HS3ST2: variants seen among roughly 807,000 people sequenced by gnomAD.
HS3ST2 encodes heparan sulfate-glucosamine 3-sulfotransferase 2.
In HS3ST2, 17 loss-of-function variants were observed where a neutral mutation model predicts 26.3. The observed-to-expected ratio is 0.65, with a 90% CI of 0.44 to 0.97. The LOEUF (loss-of-function observed/expected upper bound fraction) is 0.97. Ranked by LOEUF, HS3ST2 falls within the 50% of genes least tolerant of loss-of-function variation. The pLI is 0.00. For missense variants in HS3ST2, 402 were observed against 501.2 expected (o/e 0.80, Z 1.89); for synonymous variants, 237 against 219.2 (o/e 1.08, Z -0.72).
intron 1 of HS3ST2, among the ~76,000 whole-genome samples, chr16:22,901,426 A>G (rs951060254): frequency 5.9e-5 from 9 of 152,050 alleles, no homozygotes; most frequent in Non-Finnish European, 1.0e-4. Context: ...CCCTCCCTAG[A>G]CCTACTGAAT....
intron 1 of HS3ST2, among the ~76,000 whole-genome samples, chr16:22,871,295 G>T (rs909601539): frequency 6.6e-6 from 1 of 151,412 alleles, no homozygotes; most frequent in African/African-American, 2.4e-5. Context: ...GGTGGAGATT[G>T]CAGTGAGCCA....
chr16:22,888,730 C>T (rs1187446655), intron 1 of HS3ST2, among the ~76,000 whole-genome samples: 1 of 152,170 alleles, frequency 6.6e-6, no homozygotes, highest in African/African-American at 2.4e-5. Context: ...ACCATTTGCT[C>T]CTTCTGGAAA....
intron 1 of HS3ST2, among the ~76,000 whole-genome samples, chr16:22,829,248 A>G (rs747911088): frequency 7.9e-5 from 12 of 152,236 alleles, no homozygotes; most frequent in Non-Finnish European, 1.3e-4. Flanking sequence ...TGACGGCATC[A>G]CAAACTCAAC....
chr16:22,886,625 C>G (rs1390376880), intron 1 of HS3ST2, among the ~76,000 whole-genome samples: 1 of 152,148 alleles, frequency 6.6e-6, no homozygotes, highest in Non-Finnish European at 1.5e-5. Context: ...TTTCTACCAC[C>G]TAGAGAGTGA....
At chr16:22,913,696 TTA>T in intron 1 of HS3ST2, among the ~76,000 whole-genome samples, 1 of 152,282 alleles carries the variant, frequency 6.6e-6, no homozygotes, top group African/African-American at 2.4e-5. Flanking sequence ...GCTTAAAAGG[TTA>T]TACAATAAAA....
intron 1 of HS3ST2, among the ~76,000 whole-genome samples, chr16:22,853,942 T>C (rs1187117917): frequency 1.3e-5 from 2 of 152,204 alleles, no homozygotes; most frequent in Non-Finnish European, 2.9e-5. Context: ...ATTTTGGTGA[T>C]TTATCCTTTC....
chr16:22,876,322 A>G (rs887922599), intron 1 of HS3ST2, among the ~76,000 whole-genome samples: 1 of 152,224 alleles, frequency 6.6e-6, no homozygotes, highest in East Asian at 1.9e-4. Flanking sequence ...AAAAAGATAT[A>G]CAAATGGCCA....
intron 1 of HS3ST2, among the ~76,000 whole-genome samples, chr16:22,848,626 T>G: frequency 6.6e-6 from 1 of 152,342 alleles, no homozygotes; most frequent in East Asian, 1.9e-4. Flanking sequence ...CCTCCACAAC[T>G]GCATTCCCTG....
At chr16:22,874,676 C>A (rs1901887812) in intron 1 of HS3ST2, among the ~76,000 whole-genome samples, 1 of 152,196 alleles carries the variant, frequency 6.6e-6, no homozygotes, top group Non-Finnish European at 1.5e-5. Context: ...GGGGCTGGAA[C>A]CTGTTACAGT....
chr16:22,857,618 GA>G (rs1331662392), intron 1 of HS3ST2, among the ~76,000 whole-genome samples: 1 of 152,164 alleles, frequency 6.6e-6, no homozygotes, highest in Non-Finnish European at 1.5e-5. Flanking sequence ...CTGGGCTGGG[GA>G]AAGCTCTTAC....
chr16:22,872,313 C>T (rs1901849889), intron 1 of HS3ST2, among the ~76,000 whole-genome samples: 1 of 152,178 alleles, frequency 6.6e-6, no homozygotes, highest in Admixed American at 6.5e-5. Flanking sequence ...TCCTTCAATG[C>T]ATTCTGATTT....
intron 1 of HS3ST2, among the ~76,000 whole-genome samples, chr16:22,838,773 G>GGGT (rs1488619277): frequency 2.6e-5 from 4 of 152,210 alleles, no homozygotes; most frequent in African/African-American, 7.2e-5. Flanking sequence ...CTAGGTAGCT[G>GGGT]GGTGGATCAT....
chr16:22,814,873 C>A lies in HS3ST2; in HGVS notation c.263C>A (p.Ala88Glu). ...PTPSEPSAPS[A>E]PAAAVPAPRL... ...CCCAGCGAGCCCAGCGCTCCCAGCG[C>A]GCCCGCCGCCGCCGTGCCCGCCCCT... Residue 88 changes from alanine (A) to glutamate (E), a missense_variant, in exon 1 of 2, where the codon GCG becomes GAG. By Grantham distance (107) the Ala-to-Glu change is moderately radical (BLOSUM62 -1). Transcript: ENST00000261374. The A allele has an allele frequency of 6.4e-7, 1 of 1,556,782 alleles. No homozygotes were observed. Among genetic ancestry groups the A allele is most frequent in the Non-Finnish European group, 8.7e-7 (1 of 1,151,320 alleles).
chr16:22,885,206 G>T (rs1202281626), intron 1 of HS3ST2, among the ~76,000 whole-genome samples: 2 of 151,942 alleles, frequency 1.3e-5, no homozygotes, highest in African/African-American at 4.8e-5. Context: ...CCTCTTTAAG[G>T]ATCTGTGAGA....
At chr16:22,855,108 A>G (rs1901571002) in intron 1 of HS3ST2, among the ~76,000 whole-genome samples, 1 of 152,218 alleles carries the variant, frequency 6.6e-6, no homozygotes, top group African/African-American at 2.4e-5. Flanking sequence ...TATTTCCTGC[A>G]GTAAATCATT....
intron 1 of HS3ST2, among the ~76,000 whole-genome samples, chr16:22,887,184 T>A (rs1902072387): frequency 6.6e-6 from 1 of 152,236 alleles, no homozygotes; most frequent in Admixed American, 6.5e-5. Flanking sequence ...CCACTGTAAA[T>A]CTTTGGCCCT....
chr16:22,827,574 G>A (rs1901107298), intron 1 of HS3ST2, among the ~76,000 whole-genome samples: 1 of 152,052 alleles, frequency 6.6e-6, no homozygotes, highest in South Asian at 2.1e-4. Flanking sequence ...TGACTGCATG[G>A]GGCAAGGTGT....
At chr16:22,889,058 G>A (rs1313092795) in intron 1 of HS3ST2, among the ~76,000 whole-genome samples, 1 of 152,194 alleles carries the variant, frequency 6.6e-6, no homozygotes, top group African/African-American at 2.4e-5. Flanking sequence ...TGATGAAACT[G>A]TATAACAGCC....
chr16:22,840,937 T>C (rs1446355777), intron 1 of HS3ST2, among the ~76,000 whole-genome samples: 2 of 151,610 alleles, frequency 1.3e-5, no homozygotes, highest in African/African-American at 4.8e-5. Flanking sequence ...TAACATTAGG[T>C]ATATCTCCTA....
Sources: allele counts gnomAD v4.1 joint callset (sites outside exome capture counted in the v4.1 genomes callset), GRCh38; gene constraint gnomAD v4.1.1; transcripts MANE v1.5; gene names NCBI Gene and HGNC (gene_info 2026-07-23, HGNC 2026-07-21).